The following ELMO1 variants were observed in gnomAD, a reference collection of about 807,000 sequenced individuals.
ELMO1 encodes engulfment and cell motility protein 1.
In ELMO1, 26 loss-of-function variants were observed where a neutral mutation model predicts 98.9. That is an observed-to-expected ratio of 0.26 (90% confidence interval 0.19 to 0.36). The LOEUF is 0.36. Among genes scored for constraint, ELMO1 ranks in the 10% least tolerant of loss-of-function variants. ELMO1 has a pLI of 1.00. For missense variants in ELMO1, 627 were observed against 935.2 expected (o/e 0.67, Z 4.30); for synonymous variants, 346 against 346.0 (o/e 1.00, Z 0.00).
intron 1 of ELMO1, among the ~76,000 whole-genome samples, chr7:37,386,469 G>A (rs1028810517): frequency 1.8e-4 from 28 of 151,962 alleles, no homozygotes; most frequent in Non-Finnish European, 3.2e-4. Context: ...AGACCCTCAC[G>A]ACAGCCTTCC....
intron 16 of ELMO1, among the ~76,000 whole-genome samples, chr7:36,971,470 G>A (rs1404580889): frequency 1.3e-5 from 2 of 152,210 alleles, no homozygotes; most frequent in Non-Finnish European, 2.9e-5. Flanking sequence ...GGAACAGGAG[G>A]AGTCAAGGGA....
At chr7:37,144,783 G>A (rs776276091) in intron 13 of ELMO1, among the ~76,000 whole-genome samples, 1 of 152,134 alleles carries the variant, frequency 6.6e-6, no homozygotes, top group Non-Finnish European at 1.5e-5. Context: ...ATTTTGTAGT[G>A]AGCACCCAAG....
At chr7:36,963,199 G>T (rs1789112597) in intron 16 of ELMO1, among the ~76,000 whole-genome samples, 1 of 152,046 alleles carries the variant, frequency 6.6e-6, no homozygotes, top group South Asian at 2.1e-4. Context: ...CCAACACAGT[G>T]AAACCCTGTC....
chr7:37,232,377 C>G (rs1249166826), intron 8 of ELMO1, among the ~76,000 whole-genome samples: 1 of 152,098 alleles, frequency 6.6e-6, no homozygotes, highest in Non-Finnish European at 1.5e-5. Context: ...AAAAATAAAT[C>G]AATAAATGAT....
At chr7:36,928,674 C>T (rs894854327) in intron 16 of ELMO1, among the ~76,000 whole-genome samples, 10 of 152,170 alleles carry the variant, frequency 6.6e-5, no homozygotes, top group Non-Finnish European at 1.3e-4. Flanking sequence ...AGTAAACTCT[C>T]AGCCCCATTC....
Position 37,084,668 on chromosome 7 carries a change from G to A in ELMO1, c.1300+11951C>T, listed in dbSNP as rs115309862. Reference sequence around the variant, plus strand: ...TGTTGCAGGGGTTAACAGAGGTAACGTGTGCTTATTATTGACTCTGGGAAT... The same window carrying A: ...TGTTGCAGGGGTTAACAGAGGTAACATGTGCTTATTATTGACTCTGGGAAT... On this transcript the variant is annotated intron_variant, in intron 15 of 21. Transcript: ENST00000310758. 5.4e-3 allele frequency among the ~76,000 whole-genome samples: 819 copies of A among 152,216 alleles called. 10 individuals are homozygous for A. The highest frequency in any genetic ancestry group is 0.018 in the African/African-American group (768 of 41,518).
chr7:37,183,572 A>G (rs1359364989), intron 13 of ELMO1, among the ~76,000 whole-genome samples: 1 of 152,116 alleles, frequency 6.6e-6, no homozygotes, highest in Non-Finnish European at 1.5e-5. Flanking sequence ...GAGAGAGAGA[A>G]ATAGGGAGGT....
In ELMO1 at chr7:36,870,916, A is replaced by G. The variant is rs557993748; in HGVS notation, c.1823-441T>C. 3.3e-5 allele frequency among the ~76,000 whole-genome samples: 5 copies of G among 152,330 alleles called. No homozygotes were observed. Among genetic ancestry groups the G allele is most frequent in the Admixed American group, 3.3e-4 (5 of 15,292 alleles). On this transcript the variant is annotated intron_variant, in intron 19 of 21. Coordinates refer to ENST00000310758, the MANE Select transcript of ELMO1 (RefSeq NM_014800.11). The surrounding 1 kb of genome is among the most constrained non-coding windows in gnomAD (Gnocchi z 4.4). ...CAGTGTCTCTTGTTACAGCATTTGCATCTATTTAGTTTCTGAGTTTTTGGA... is the reference window on the plus strand; with the variant it reads ...CAGTGTCTCTTGTTACAGCATTTGCGTCTATTTAGTTTCTGAGTTTTTGGA...
chr7:37,012,594 T>G (rs560555349), intron 16 of ELMO1, among the ~76,000 whole-genome samples: 1 of 152,252 alleles, frequency 6.6e-6, no homozygotes, highest in East Asian at 1.9e-4. Context: ...TATGAAAGCA[T>G]GGATAGTGCT....
intron 1 of ELMO1, among the ~76,000 whole-genome samples, chr7:37,434,455 T>C (rs1220733023): frequency 2.0e-5 from 3 of 152,224 alleles, no homozygotes; most frequent in Non-Finnish European, 4.4e-5. Flanking sequence ...CTGTTTAAAA[T>C]TTAAAGAAGA....
chr7:37,003,076 T>G (rs564052523), intron 16 of ELMO1, among the ~76,000 whole-genome samples: 1 of 152,314 alleles, frequency 6.6e-6, no homozygotes, highest in African/African-American at 2.4e-5. Flanking sequence ...TGATCATCTA[T>G]TATTTTAACT....
intron 15 of ELMO1, among the ~76,000 whole-genome samples, chr7:37,062,626 C>G (rs1796726748): frequency 6.6e-6 from 1 of 152,186 alleles, no homozygotes; most frequent in African/African-American, 2.4e-5. Context: ...GGGATAAATA[C>G]TTATGTCACT....
At chr7:37,445,338 T>C (rs1269583122) in intron 1 of ELMO1, among the ~76,000 whole-genome samples, 1 of 152,208 alleles carries the variant, frequency 6.6e-6, no homozygotes, top group Non-Finnish European at 1.5e-5. Flanking sequence ...AACCAAACTA[T>C]CTACTTGGAT....
At chr7:37,126,300 A>AAAATATATAT (rs528749767) in intron 14 of ELMO1, among the ~76,000 whole-genome samples, 4 of 134,128 alleles carry the variant, frequency 3.0e-5, no homozygotes, top group African/African-American at 1.0e-4. Flanking sequence ...GTATAATTTA[A>AAAATATATAT]ATATATATAT....
chr7:37,286,681 A>C (rs1235571686), intron 4 of ELMO1, among the ~76,000 whole-genome samples: 1 of 152,214 alleles, frequency 6.6e-6, no homozygotes, highest in Non-Finnish European at 1.5e-5. Context: ...AAGGGAGAGA[A>C]TCTCAGGCAG....
intron 14 of ELMO1, among the ~76,000 whole-genome samples, chr7:37,113,895 C>CA (rs1354509245): frequency 3.3e-5 from 5 of 152,150 alleles, no homozygotes; most frequent in Admixed American, 6.5e-5. Context: ...TCAGAGACAC[C>CA]AACCCTGCCA....
intron 16 of ELMO1, among the ~76,000 whole-genome samples, chr7:36,975,566 G>A (rs1174553617): frequency 6.6e-6 from 1 of 152,044 alleles, no homozygotes; most frequent in African/African-American, 2.4e-5. Context: ...GATAAAACTG[G>A]CTGGGAGCCA....
At chr7:37,261,121 T>C (rs1273842025) in intron 5 of ELMO1, among the ~76,000 whole-genome samples, 1 of 126,988 alleles carries the variant, frequency 7.9e-6, no homozygotes, top group Non-Finnish European at 1.6e-5. Context: ...GATACCAATA[T>C]AAAAAATAGC....
chr7:37,090,036 C>T (rs1484021862), intron 15 of ELMO1, among the ~76,000 whole-genome samples: 1 of 152,146 alleles, frequency 6.6e-6, no homozygotes, highest in Non-Finnish European at 1.5e-5. Flanking sequence ...CTTCTACACA[C>T]CTAAAAGAGA....
Sources: allele counts gnomAD v4.1 joint callset (sites outside exome capture counted in the v4.1 genomes callset), GRCh38; gene constraint gnomAD v4.1.1; non-coding constraint Gnocchi (gnomAD v3.1); transcripts MANE v1.5; gene names NCBI Gene and HGNC (gene_info 2026-07-23, HGNC 2026-07-21).